Variants in NRDE2 observed in about 807,000 individuals in gnomAD.
NRDE2 encodes the protein NRDE-2, necessary for RNA interference, domain containing.
Under a neutral mutation model 124.2 loss-of-function variants are expected in NRDE2, and 76 were observed. That is an observed-to-expected ratio of 0.61 (90% CI 0.51 to 0.74). NRDE2 has a LOEUF of 0.74. NRDE2 is among the 30% of genes least tolerant of loss of function. The pLI is 0.00. For missense variants in NRDE2, 1,314 were observed against 1,417.3 expected, an observed-to-expected ratio of 0.93 and a Z score of 1.17; for synonymous variants, 489 against 528.1, an observed-to-expected ratio of 0.93 and a Z score of 1.01.
At chr14:90,330,214 A>AAAT (rs1555362756) in intron 1 of NRDE2, among the ~76,000 whole-genome samples, 36,216 of 139,042 alleles carry the variant, frequency 0.26, 4,846 homozygotes, top group Middle Eastern at 0.38. Flanking sequence ...CTCAAAAAAA[A>AAAT]AAATAAATAA....
At chr14:90,285,317 TTTGAGACGGAGTCTCACTCTG>T in intron 12 of NRDE2, among the ~76,000 whole-genome samples, 4 of 148,738 alleles carry the variant, frequency 2.7e-5, no homozygotes, top group African/African-American at 9.8e-5. Flanking sequence ...TTTTCTTTTT[TTTGAGACGGAGTCTCACTCTG>T]TCGTTCAGGC....
At chr14:90,286,941 G>A (rs1484278084) in intron 11 of NRDE2, among the ~76,000 whole-genome samples, 2 of 145,982 alleles carry the variant, frequency 1.4e-5, no homozygotes, top group Non-Finnish European at 3.0e-5. Flanking sequence ...GGCTGAGGCA[G>A]GAGAATTGCT....
At chr14:90,295,610 A>G in intron 8 of NRDE2, among the ~76,000 whole-genome samples, 1 of 152,256 alleles carries the variant, frequency 6.6e-6, no homozygotes. Flanking sequence ...ATTCATGTAT[A>G]ACAACTACAT....
intron 11 of NRDE2, 95 bp downstream of exon 11, chr14:90,288,122 A>G: frequency 8.6e-7 from 1 of 1,163,656 alleles, no homozygotes. Flanking sequence ...TGCCATGTTC[A>G]TCCCTGTCTT....
chr14:90,318,162 T>C, intron 1 of NRDE2, 49 bp from the exon 2 acceptor site: 1 of 1,427,416 alleles, frequency 7.0e-7, no homozygotes, highest in Admixed American at 1.8e-5. Context: ...TCAATATGAT[T>C]CTAAAGCAGG....
intron 8 of NRDE2, among the ~76,000 whole-genome samples, chr14:90,296,771 G>A (rs1015865462): frequency 1.1e-4 from 15 of 138,138 alleles, no homozygotes; most frequent in Non-Finnish European, 1.7e-5. Context: ...GGGGAGTGAA[G>A]CAGTTCCTGA....
intron 6 of NRDE2, chr14:90,301,784 C>T: frequency 2.2e-6 from 1 of 456,268 alleles, no homozygotes; most frequent in Non-Finnish European, 4.4e-6. Context: ...CAGCAACTTT[C>T]ATCCTATGTT....
chr14:90,272,006 C>CCT lies in NRDE2; in HGVS notation c.*6328_*6329dup, dbSNP rs1312394161. The CCT allele has an allele frequency of 3.7e-6, 1 of 273,246 alleles. No individual in the cohort carries two copies. Among genetic ancestry groups the CCT allele is most frequent in the African/African-American group, 2.3e-5 (1 of 42,932 alleles). The allele number at this position is 273,246 out of a possible 1,614,324, so 16.9% of individuals were successfully genotyped here. A position where few individuals can be genotyped will look rare whatever the true frequency, so the allele number is the denominator to read the frequency against. ...CTCCCGGGTTCAAGCAATTCTCCTG[C>CCT]CTCAGCCTCCCGAGTAGCTAGGATT... On this transcript the variant is annotated 3_prime_UTR_variant, in exon 14 of 14. Transcript: ENST00000354366. The surrounding 1 kb of genome is among the most constrained non-coding windows in gnomAD (Gnocchi z 4.5).
intron 1 of NRDE2, among the ~76,000 whole-genome samples, chr14:90,323,071 G>A (rs1484453078): frequency 1.3e-5 from 2 of 152,164 alleles, no homozygotes; most frequent in Non-Finnish European, 2.9e-5. Context: ...GCCATACATT[G>A]TATTATGCAT....
At position 90,268,261 on chromosome 14, in the gene NRDE2, C is replaced by T. The variant is rs1048144078; in HGVS notation, c.*10075G>A. ...TAGCCAAAGCAGTAGCAAACCAAAC[C>T]TCAGCCACTTTCTTGAGAGTGGTTG... On this transcript the variant is annotated 3_prime_UTR_variant, in exon 14 of 14. Transcript: ENST00000354366. 3.1e-6 allele frequency: 5 copies of T among 1,604,596 alleles called. No homozygotes were observed. Among genetic ancestry groups the T allele is most frequent in the Non-Finnish European group, 4.3e-6 (5 of 1,175,946 alleles).
At chr14:90,328,547 A>G (rs1269475520) in intron 1 of NRDE2, among the ~76,000 whole-genome samples, 1 of 152,222 alleles carries the variant, frequency 6.6e-6, no homozygotes, top group African/African-American at 2.4e-5. Flanking sequence ...ATATGGGATG[A>G]AACAGGTTGC....
At chr14:90,326,991 T>C (rs1885463525) in intron 1 of NRDE2, among the ~76,000 whole-genome samples, 1 of 152,196 alleles carries the variant, frequency 6.6e-6, no homozygotes, top group Non-Finnish European at 1.5e-5. Flanking sequence ...AATCTTACAT[T>C]TGGACTGGAA....
rs776341046 is a variant in NRDE2, at chr14:90,316,605, C to T, written c.380G>A (p.Gly127Asp). The change falls in exon 3 of 14, where the codon GGC (glycine) becomes GAC (aspartate). Residue 127 changes from glycine to aspartate, a missense_variant. By Grantham distance (94) the Gly-to-Asp change is moderately conservative (BLOSUM62 -1). Coordinates refer to ENST00000354366, the MANE Select transcript of NRDE2 (RefSeq NM_017970.4). ...EKDKPSRGVGGSKKESEEPNQ... is the reference protein window; with the variant it reads ...EKDKPSRGVGDSKKESEEPNQ... ...CGGTTCCTCAGATTCCTTTTTACTG[C>T]CTCCAACGCCTCTGGAAGGTTTGTC... The T allele has an allele frequency of 1.2e-6, 2 of 1,612,848 alleles. No homozygotes were observed. Among genetic ancestry groups the T allele is most frequent in the Non-Finnish European group, 1.7e-6 (2 of 1,179,682 alleles).
intron 3 of NRDE2, among the ~76,000 whole-genome samples, chr14:90,312,786 T>A (rs932191346): frequency 6.6e-6 from 1 of 152,148 alleles, no homozygotes; most frequent in Non-Finnish European, 1.5e-5. Flanking sequence ...ACAAAAGAAG[T>A]CTTCCTATCT....
chr14:90,306,179 G>T (rs368015224), intron 4 of NRDE2, among the ~76,000 whole-genome samples: 9 of 152,144 alleles, frequency 5.9e-5, no homozygotes, highest in African/African-American at 1.7e-4. Context: ...CGGAAATGCC[G>T]TGGGGAGAAA....
chr14:90,307,506 AAT>A (rs1884654813), intron 4 of NRDE2, among the ~76,000 whole-genome samples: 1 of 152,158 alleles, frequency 6.6e-6, no homozygotes, highest in Non-Finnish European at 1.5e-5. Flanking sequence ...TGGGTGGATC[AAT>A]TAAGGCCAGG....
intron 3 of NRDE2, among the ~76,000 whole-genome samples, chr14:90,313,422 G>A (rs753348509): frequency 1.3e-5 from 2 of 151,982 alleles, no homozygotes; most frequent in African/African-American, 2.4e-5. Context: ...CACCGTGCCC[G>A]GCTCAGCCTC....
Position 90,302,938 on chromosome 14 carries a change from G to C in NRDE2, c.1193C>G (p.Ser398Cys). The C allele has an allele frequency of 6.2e-7, 1 of 1,614,070 alleles. No homozygotes were observed. The highest frequency in any genetic ancestry group is 1.3e-5 in the African/African-American group (1 of 75,038). ...LKLCTEFWEPSTLVKEWQKLI... is the reference protein window; with the variant it reads ...LKLCTEFWEPCTLVKEWQKLI... ...TTTCTGCCACTCTTTGACCAGAGTG[G>C]AGGGCTCCCAGAACTCTGTGCAGAG... is the stretch of plus-strand genomic sequence containing the variant. Residue 398 changes from serine (S) to cysteine (C), a missense_variant, in exon 6 of 14, where the codon TCC becomes TGC. Ser to Cys is a moderately radical substitution (Grantham distance 112, BLOSUM62 -1). Coordinates refer to ENST00000354366, the MANE Select transcript of NRDE2 (RefSeq NM_017970.4).
chr14:90,303,857 A>T, intron 5 of NRDE2, 78 bp downstream of exon 5: 1 of 1,294,558 alleles, frequency 7.7e-7, no homozygotes, highest in Non-Finnish European at 1.1e-6. Flanking sequence ...TTGCTCAAAA[A>T]TTGCTGCACA....
Sources: allele counts gnomAD v4.1 joint callset (sites outside exome capture counted in the v4.1 genomes callset), GRCh38; gene constraint gnomAD v4.1.1; non-coding constraint Gnocchi (gnomAD v3.1); transcripts MANE v1.5; gene names NCBI Gene and HGNC (gene_info 2026-07-23, HGNC 2026-07-21).